TBC1D8: variants seen among roughly 807,000 people sequenced by gnomAD.
The protein encoded by TBC1D8 is BUB2-like protein 1.
A neutral mutation model predicts 118.8 loss-of-function variants in TBC1D8; 65 were observed. That is an observed-to-expected ratio of 0.55 (90% confidence interval 0.45 to 0.67). The LOEUF (loss-of-function observed/expected upper bound fraction) is 0.67, where lower values mean the gene tolerates loss of function less well. Among genes scored for constraint, TBC1D8 ranks in the 30% least tolerant of loss-of-function variants. The probability of loss-of-function intolerance (pLI) is 0.00; values close to 1 mark genes in which losing one functional copy is unlikely to be tolerated. For missense variants in TBC1D8, 1,376 were observed against 1,471.2 expected (o/e 0.94, Z 1.06); for synonymous variants, 566 against 595.8 (o/e 0.95, Z 0.73).
chr2:101,124,131 C>G (rs1414863249), intron 1 of TBC1D8, among the ~76,000 whole-genome samples: 2 of 152,218 alleles, frequency 1.3e-5, no homozygotes, highest in African/African-American at 4.8e-5. Flanking sequence ...CCAGTGAGCA[C>G]TTCCCTCCCA....
At chr2:101,148,335 A>G (rs1251865644) in intron 1 of TBC1D8, among the ~76,000 whole-genome samples, 1 of 152,242 alleles carries the variant, frequency 6.6e-6, no homozygotes, top group African/African-American at 2.4e-5. Context: ...CCATGCATAC[A>G]GTCACCCATC....
chr2:101,010,968 T>C lies in TBC1D8; in HGVS notation c.2976A>G (p.Glu992=). 2 of 1,613,184 alleles carry C rather than the reference T, an allele frequency of 1.2e-6. No individual in the cohort carries two copies. Among genetic ancestry groups the C allele is most frequent in the Non-Finnish European group, 1.7e-6 (2 of 1,179,904 alleles). Residue 992 remains glutamate (E), a synonymous_variant, in exon 19 of 20, where the codon GAA becomes GAG. Transcript: ENST00000409318. The part of the protein sequence containing the change: ...LKQMIKDLAK[E]KDKTEKELPK... The stretch of plus-strand genomic sequence containing the variant: ...GCAATTCTTTCTCAGTTTTATCTTT[T>C]TCTTTGGCTAAATCCTTAATCATCT...
At chr2:101,010,337 C>T (rs1679110524) in intron 19 of TBC1D8, among the ~76,000 whole-genome samples, 1 of 152,186 alleles carries the variant, frequency 6.6e-6, no homozygotes, top group Admixed American at 6.5e-5. Context: ...GCTGTATCCA[C>T]AGTGGCCCCA....
chr2:101,035,868 G>A, intron 9 of TBC1D8, 150 bp downstream of exon 9: 2 of 941,170 alleles, frequency 2.1e-6, no homozygotes, highest in South Asian at 1.7e-5. Context: ...ACACAACAGG[G>A]AGTGGAAGTC....
intron 5 of TBC1D8, among the ~76,000 whole-genome samples, chr2:101,048,820 G>A (rs1447426781): frequency 6.6e-6 from 1 of 151,598 alleles, no homozygotes; most frequent in Non-Finnish European, 1.5e-5. Flanking sequence ...TCCAGCCCAA[G>A]TATGGCAGAC....
chr2:101,123,829 G>A (rs951882483), intron 1 of TBC1D8, among the ~76,000 whole-genome samples: 1 of 152,208 alleles, frequency 6.6e-6, no homozygotes, highest in African/African-American at 2.4e-5. Context: ...CCCTGACAGG[G>A]AGCTTCCATG....
At position 101,129,778 on chromosome 2, in the gene TBC1D8, G is replaced by A. The variant is rs1261279055; in HGVS notation, c.127+21349C>T. Among the ~76,000 whole-genome samples, 5 of 152,022 alleles carry A rather than the reference G, an allele frequency of 3.3e-5. No individual in the cohort carries two copies. The East Asian group carries it at 7.8e-4, about 24-fold the overall frequency. On this transcript the variant is annotated intron_variant, in intron 1 of 19. Coordinates refer to ENST00000409318, the MANE Select transcript of TBC1D8 (RefSeq NM_001330348.2). ...CAATTAGCTGGGCGTGGCAGCAGGC[G>A]CCTGTAGTCCCAGCTACTCAGGAGA...
chr2:101,106,818 G>C (rs969887302), intron 1 of TBC1D8, among the ~76,000 whole-genome samples: 1 of 152,156 alleles, frequency 6.6e-6, no homozygotes, highest in South Asian at 2.1e-4. Flanking sequence ...ATAAACAACC[G>C]GTACTGTGCC....
chr2:101,007,849 T>TGTG lies in TBC1D8; in HGVS notation c.3437_3439dup (p.Ser1146_Gln1147insPro). 1 of 1,613,266 alleles carries TGTG rather than the reference T, an allele frequency of 6.2e-7. No individual in the cohort carries two copies. On this transcript the variant is annotated inframe_insertion, in exon 20 of 20. Coordinates refer to ENST00000409318, the MANE Select transcript of TBC1D8 (RefSeq NM_001330348.2). ...CAAGTTACTCAGCTTAAGTTCAGATTGTGATTGGTGGCTCATTTCAAAAGT... is the reference window on the plus strand; with the variant it reads ...CAAGTTACTCAGCTTAAGTTCAGATTGTGGTGATTGGTGGCTCATTTCAAAAGT...
intron 1 of TBC1D8, among the ~76,000 whole-genome samples, chr2:101,110,816 C>CA (rs949765077): frequency 6.6e-6 from 1 of 151,246 alleles, no homozygotes; most frequent in Admixed American, 6.6e-5. Flanking sequence ...ACAAAAAATA[C>CA]AAAAAAAATT....
intron 1 of TBC1D8, among the ~76,000 whole-genome samples, chr2:101,118,434 T>A (rs112375036): frequency 9.2e-5 from 14 of 151,750 alleles, no homozygotes; most frequent in East Asian, 5.9e-4. Flanking sequence ...CAGTGGCTCA[T>A]GCCTGTAATC....
At chr2:101,095,215 T>C (rs1003611033) in intron 1 of TBC1D8, among the ~76,000 whole-genome samples, 2 of 151,964 alleles carry the variant, frequency 1.3e-5, no homozygotes, top group Admixed American at 6.6e-5. Context: ...CCGTTCTCCA[T>C]TAATAAAGGC....
chr2:101,027,206 A>G (rs1481687824), intron 15 of TBC1D8, among the ~76,000 whole-genome samples, 177 bp downstream of exon 15: 5 of 152,078 alleles, frequency 3.3e-5, no homozygotes, highest in African/African-American at 9.7e-5. Context: ...GAGGGTGGGG[A>G]GAGAGGTTTC....
chr2:101,007,915 G>T lies in TBC1D8; in HGVS notation c.3374C>A (p.Ser1125Tyr). 6.2e-7 allele frequency: 1 copy of T among 1,614,052 alleles called. No homozygotes were observed. Among genetic ancestry groups the T allele is most frequent in the Non-Finnish European group, 8.5e-7 (1 of 1,179,890 alleles). Residue 1125 changes from serine to tyrosine, a missense_variant, in exon 20 of 20, where the codon TCC (serine) becomes TAC (tyrosine). By Grantham distance (144) the Ser-to-Tyr change is moderately radical. Transcript: ENST00000409318. ...NFFEKPLDMKSKLENAKINQY... is the reference protein window; with the variant it reads ...NFFEKPLDMKYKLENAKINQY... ...ATTGATCTTGGCATTTTCAAGTTTG[G>T]ATTTCATGTCCAGTGGCTTTTCAAA...
At chr2:101,038,349 C>T in intron 7 of TBC1D8, 112 bp downstream of exon 7, 1 of 1,226,266 alleles carries the variant, frequency 8.2e-7, no homozygotes, top group African/African-American at 1.5e-5. Context: ...AGACCACACA[C>T]AGGCCCCGCA....
At chr2:101,097,882 A>G (rs1676573719) in intron 1 of TBC1D8, among the ~76,000 whole-genome samples, 1 of 152,324 alleles carries the variant, frequency 6.6e-6, no homozygotes, top group East Asian at 1.9e-4. Flanking sequence ...AAAAAAATAA[A>G]TAAAGCCTGC....
chr2:101,050,374 G>GAGAC, intron 5 of TBC1D8, 27 bp downstream of exon 5: 4 of 1,601,904 alleles, frequency 2.5e-6, no homozygotes, highest in Non-Finnish European at 3.4e-6. Flanking sequence ...GTGCGGGTGG[G>GAGAC]AGACACTCTA....
chr2:101,134,927 A>T (rs1678777376), intron 1 of TBC1D8, among the ~76,000 whole-genome samples: 1 of 152,234 alleles, frequency 6.6e-6, no homozygotes, highest in Non-Finnish European at 1.5e-5. Flanking sequence ...TAATCCCAGC[A>T]CTTTGGGAGG....
intron 9 of TBC1D8, among the ~76,000 whole-genome samples, chr2:101,035,470 C>T (rs894717078): frequency 4.6e-5 from 7 of 152,094 alleles, no homozygotes; most frequent in Non-Finnish European, 1.0e-4. Flanking sequence ...TGAGAGGCCC[C>T]GGGGCTCTGA....
Sources: gnomAD v4.1 joint callset for allele counts (sites outside exome capture counted in the v4.1 genomes callset) on GRCh38, gnomAD v4.1.1 for gene constraint, MANE v1.5 for transcripts, NCBI Gene and HGNC (gene_info 2026-07-23, HGNC 2026-07-21) for gene names.